Variants in APBA2 observed in about 807,000 individuals in gnomAD.
APBA2 encodes the protein amyloid beta precursor protein binding family A member 2, also known as amyloid-beta A4 precursor protein-binding family A member 2.
APBA2 carries 30 observed loss-of-function variants against 75.0 expected under a neutral mutation model. The ratio of observed to expected loss-of-function variants is 0.40; its 90% CI spans 0.30 to 0.54. APBA2 has a LOEUF of 0.54. Among genes scored for constraint, APBA2 ranks in the 20% least tolerant of loss-of-function variants. The pLI is 0.49. For missense variants in APBA2, 801 were observed against 1,016.1 expected (o/e 0.79, Z 2.88); for synonymous variants, 444 against 409.6 (o/e 1.08, Z -1.01).
chr15:29,021,569 A>G (rs745341499), intron 3 of APBA2, among the ~76,000 whole-genome samples: 2 of 152,168 alleles, frequency 1.3e-5, no homozygotes, highest in African/African-American at 2.4e-5. Flanking sequence ...AACCATTGCC[A>G]CAGCGTGTGC....
intron 5 of APBA2, 109 bp downstream of exon 5, chr15:29,075,110 C>A: frequency 3.4e-6 from 3 of 886,530 alleles, no homozygotes; most frequent in South Asian, 2.8e-5. Flanking sequence ...TCATCCCACC[C>A]GGTGCCTGGG....
chr15:28,907,151 C>A (rs920848759), intron 1 of APBA2, among the ~76,000 whole-genome samples: 12 of 152,282 alleles, frequency 7.9e-5, no homozygotes, highest in African/African-American at 2.9e-4. Flanking sequence ...CTTATTCAAT[C>A]TAAAATGTAT....
intron 1 of APBA2, among the ~76,000 whole-genome samples, chr15:28,914,958 C>T (rs1166638142): frequency 6.6e-6 from 1 of 151,428 alleles, no homozygotes; most frequent in African/African-American, 2.4e-5. Flanking sequence ...GCCCACCTCA[C>T]ACACACCACA....
rs188542119 is a variant in APBA2 at position 28,996,571 on chromosome 15, G to C, written c.-41+765G>C. ...TTGGCTGTCTTCTTCTGTGGCTGGAGACACACAAGGCAGCGGCTTTGTAGG... is the reference window on the plus strand; with the variant it reads ...TTGGCTGTCTTCTTCTGTGGCTGGACACACACAAGGCAGCGGCTTTGTAGG... On this transcript the variant is annotated intron_variant, in intron 3 of 14. Transcript: ENST00000683413. Among the ~76,000 whole-genome samples, 3 of 152,342 alleles carry C rather than the reference G, an allele frequency of 2.0e-5. No homozygotes were observed. In the East Asian group the frequency reaches 5.8e-4, roughly 29 times the overall value.
intron 2 of APBA2, among the ~76,000 whole-genome samples, chr15:28,925,343 A>G (rs1037490092): frequency 6.6e-6 from 1 of 152,146 alleles, no homozygotes; most frequent in African/African-American, 2.4e-5. Context: ...TCATTTTCTT[A>G]TAATTTCTTT....
At chr15:29,038,028 G>A (rs943245220) in intron 3 of APBA2, among the ~76,000 whole-genome samples, 1 of 152,198 alleles carries the variant, frequency 6.6e-6, no homozygotes, top group African/African-American at 2.4e-5. Flanking sequence ...CAGAGGGACT[G>A]CCTTCCCCAT....
At chr15:28,906,232 G>A (rs2033126778) in intron 1 of APBA2, among the ~76,000 whole-genome samples, 1 of 152,150 alleles carries the variant, frequency 6.6e-6, no homozygotes, top group Non-Finnish European at 1.5e-5. Context: ...TACACCTGCA[G>A]AATGTATGAT....
chr15:28,996,785 G>A (rs747302170), intron 3 of APBA2, among the ~76,000 whole-genome samples: 12 of 152,170 alleles, frequency 7.9e-5, no homozygotes, highest in African/African-American at 2.7e-4. Context: ...GGACAGGGAG[G>A]CAGTTCAGAG....
chr15:29,022,882 A>G (rs548550596), intron 3 of APBA2, among the ~76,000 whole-genome samples: 14 of 151,902 alleles, frequency 9.2e-5, no homozygotes, highest in Non-Finnish European at 1.8e-4. Context: ...AATGTAGTGT[A>G]TTTTTTTCTT....
intron 2 of APBA2, among the ~76,000 whole-genome samples, chr15:28,942,099 C>T (rs12910414): frequency 6.6e-6 from 1 of 152,196 alleles, no homozygotes; most frequent in Non-Finnish European, 1.5e-5. Context: ...ACTATGTTTT[C>T]TAAAAAAGTA....
At position 29,054,066 on chromosome 15, in the gene APBA2, A is replaced by T; in HGVS notation, c.182A>T (p.Gln61Leu). Residue 61 changes from glutamine to leucine, a missense_variant, in exon 4 of 15, where the codon CAG becomes CTG. Coordinates refer to ENST00000683413, the MANE Select transcript of APBA2 (RefSeq NM_001353788.2). This position sits in a 1 kb window ranked among gnomAD's most constrained non-coding sequence, Gnocchi z 6.1. ...LRPESPAPEE[Q>L]ECHNHSPDGD... is the part of the protein sequence containing the mutation. ...CCAGAGAGCCCCGCGCCAGAGGAAC[A>T]GGAGTGCCACAACCACAGCCCCGAT... 6.2e-7 allele frequency: 1 copy of T among 1,614,034 alleles called. No homozygotes were observed. Among genetic ancestry groups the T allele is most frequent in the South Asian group, 1.1e-5 (1 of 91,078 alleles).
chr15:29,054,436 T>C lies in APBA2; in HGVS notation c.552T>C (p.Gly184=). 2 of 1,614,060 alleles carry C rather than the reference T, an allele frequency of 1.2e-6. No homozygotes were observed. The highest frequency in any genetic ancestry group is 1.7e-6 in the Non-Finnish European group (2 of 1,180,032). The change falls in exon 4 of 15, where the codon GGT becomes GGC. Residue 184 remains glycine, a synonymous_variant. Coordinates refer to ENST00000683413, the MANE Select transcript of APBA2 (RefSeq NM_001353788.2). This position sits in a 1 kb window ranked among gnomAD's most constrained non-coding sequence, Gnocchi z 6.1. Reference sequence around the variant, plus strand: ...AGGCCCATGACCAGGAAGAAGATGGTCACTACTGTGCCAGCAAAGAGGGCT... The same window carrying C: ...AGGCCCATGACCAGGAAGAAGATGGCCACTACTGTGCCAGCAAAGAGGGCT... ...VLEAHDQEED[G]HYCASKEGYQ... is the part of the protein sequence containing the mutation.
chr15:28,959,850 A>G (rs1298772461), intron 2 of APBA2, among the ~76,000 whole-genome samples: 1 of 152,212 alleles, frequency 6.6e-6, no homozygotes, highest in African/African-American at 2.4e-5. Context: ...GCTTCAGTTA[A>G]CAACACTTTG....
chr15:29,048,479 G>C (rs1436662678), intron 3 of APBA2, among the ~76,000 whole-genome samples: 1 of 152,166 alleles, frequency 6.6e-6, no homozygotes, highest in Non-Finnish European at 1.5e-5. Context: ...GAAAATAGCA[G>C]GGGAAGATGA....
chr15:28,918,823 G>A lies in APBA2; in HGVS notation c.-204-2817G>A, dbSNP rs2152665235. Reference sequence around the variant, plus strand: ...TCCTGTCCCGCCCACTCACTGCGAGGCTGGGCAGGGCCGCTTGCCAGTTAA... The same window carrying A: ...TCCTGTCCCGCCCACTCACTGCGAGACTGGGCAGGGCCGCTTGCCAGTTAA... On this transcript the variant is annotated intron_variant, in intron 1 of 14. Transcript: ENST00000683413. The surrounding 1 kb of genome is among the most constrained non-coding windows in gnomAD (Gnocchi z 4.2). Among the ~76,000 whole-genome samples, 1 of 152,270 alleles carries A rather than the reference G, an allele frequency of 6.6e-6. No homozygotes were observed. Among genetic ancestry groups the A allele is most frequent in the East Asian group, 1.9e-4 (1 of 5,152 alleles).
chr15:28,962,849 G>C (rs1262597712), intron 2 of APBA2, among the ~76,000 whole-genome samples: 1 of 152,194 alleles, frequency 6.6e-6, no homozygotes, highest in Non-Finnish European at 1.5e-5. Context: ...TAGTGATGCT[G>C]GTCTTCTTTA....
chr15:28,946,342 G>A (rs963694560), intron 2 of APBA2, among the ~76,000 whole-genome samples: 4 of 152,204 alleles, frequency 2.6e-5, no homozygotes, highest in African/African-American at 7.2e-5. Flanking sequence ...GAAGGAAGCT[G>A]GAGGAGTTAA....
chr15:29,064,004 TG>T (rs2042266345), intron 4 of APBA2, among the ~76,000 whole-genome samples: 1 of 152,220 alleles, frequency 6.6e-6, no homozygotes, highest in African/African-American at 2.4e-5. Flanking sequence ...CCCTCCTGAA[TG>T]TGGCTTGTGC....
intron 1 of APBA2, among the ~76,000 whole-genome samples, chr15:28,903,263 T>C (rs1019995200): frequency 6.6e-6 from 1 of 152,138 alleles, no homozygotes; most frequent in Non-Finnish European, 1.5e-5. Context: ...GGCCATGTTT[T>C]TTTGGGGGGT....
Sources: gnomAD v4.1 joint callset for allele counts (sites outside exome capture counted in the v4.1 genomes callset) on GRCh38, gnomAD v4.1.1 for gene constraint, Gnocchi (gnomAD v3.1) non-coding constraint, MANE v1.5 for transcripts, NCBI Gene and HGNC (gene_info 2026-07-23, HGNC 2026-07-21) for gene names.